The following MAP3K1 variants were observed in gnomAD, a reference collection of about 807,000 sequenced individuals.
The protein encoded by MAP3K1 is mitogen-activated protein kinase kinase kinase 1.
MAP3K1 carries 36 observed loss-of-function variants against 144.2 expected under a neutral mutation model. That is an observed-to-expected ratio of 0.25 (90% CI 0.19 to 0.33). The LOEUF (loss-of-function observed/expected upper bound fraction) is 0.33. Among genes scored for constraint, MAP3K1 ranks in the 10% least tolerant of loss-of-function variants. The pLI, the probability that MAP3K1 is intolerant of heterozygous loss-of-function variation, is 1.00. For synonymous variants in MAP3K1, 718 were observed against 688.7 expected, an observed-to-expected ratio of 1.04 and a Z score of -0.67; for missense variants, 1,650 against 1,881.9, an observed-to-expected ratio of 0.88 and a Z score of 2.28.
At chr5:56,873,047 T>C (rs748158055) in intron 9 of MAP3K1, 42 bp downstream of exon 9, 2 of 1,546,886 alleles carry the variant, frequency 1.3e-6, no homozygotes, top group East Asian at 2.3e-5. Context: ...GAAATATTTA[T>C]AGATCAATTA....
At chr5:56,840,938 C>T (rs929915224) in intron 1 of MAP3K1, among the ~76,000 whole-genome samples, 2 of 150,376 alleles carry the variant, frequency 1.3e-5, no homozygotes, top group Admixed American at 6.6e-5. Context: ...TGCAGTGGCA[C>T]GTTCTCAGCT....
Position 56,818,374 on chromosome 5 carries a change from CAGTTA to C in MAP3K1, c.482+2325_482+2329del, listed in dbSNP as rs1398771271. On this transcript the variant is annotated intron_variant, in intron 1 of 19. Transcript: ENST00000399503. ...AACTTTATGTTTTACTTTTTTTTGA[CAGTTA>C]AGTTACATTCATACTTCCAAGAGGA... Among the ~76,000 whole-genome samples the C allele has an allele frequency of 2.0e-5, 3 of 151,870 alleles. 1 individual carries two copies. The highest frequency in any genetic ancestry group is 4.4e-5 in the Non-Finnish European group (3 of 67,970).
chr5:56,817,600 A>G (rs1278153508), intron 1 of MAP3K1, among the ~76,000 whole-genome samples: 1 of 152,252 alleles, frequency 6.6e-6, no homozygotes, highest in African/African-American at 2.4e-5. Flanking sequence ...ATTTATTCTT[A>G]CAAGAGTTAT....
At chr5:56,857,798 A>G (rs942286588) in intron 2 of MAP3K1, among the ~76,000 whole-genome samples, 16 of 152,180 alleles carry the variant, frequency 1.1e-4, no homozygotes, top group African/African-American at 2.2e-4. Flanking sequence ...AAATAACTCA[A>G]TAATCCCTGT....
intron 19 of MAP3K1, among the ~76,000 whole-genome samples, chr5:56,890,105 G>A (rs1329435024): frequency 1.3e-5 from 2 of 151,974 alleles, no homozygotes; most frequent in Non-Finnish European, 2.9e-5. Flanking sequence ...TTTGTTTCTT[G>A]TTTGCTAGTT....
At chr5:56,854,738 T>G (rs2111857736) in intron 1 of MAP3K1, among the ~76,000 whole-genome samples, 1 of 152,242 alleles carries the variant, frequency 6.6e-6, no homozygotes, top group African/African-American at 2.4e-5. Flanking sequence ...TGAAAATCCA[T>G]AGCAGAGAAG....
At chr5:56,857,405 C>T (rs1007212648) in intron 2 of MAP3K1, among the ~76,000 whole-genome samples, 3 of 152,066 alleles carry the variant, frequency 2.0e-5, no homozygotes, top group African/African-American at 4.8e-5. Context: ...AGAATACCAT[C>T]ATGAAATGTG....
chr5:56,882,533 A>G lies in MAP3K1; in HGVS notation c.3333A>G (p.Thr1111=), dbSNP rs771195015. Residue 1111 remains threonine, a synonymous_variant, in exon 14 of 20, where the codon ACA becomes ACG. Coordinates refer to ENST00000399503, the MANE Select transcript of MAP3K1 (RefSeq NM_005921.2). ...SSNAVIPSDE[T]VFTPVEEKCR... is the part of the protein sequence containing the mutation. ...ATGCTGTTATACCCAGTGACGAGAC[A>G]GTGTTCACCCCAGTAGAGGAGAAAT... 1.2e-6 allele frequency: 2 copies of G among 1,614,012 alleles called. No homozygotes were observed. The highest frequency in any genetic ancestry group is 1.7e-5 in the Admixed American group (1 of 59,984).
At chr5:56,865,211 G>C in intron 4 of MAP3K1, 129 bp from the exon 5 acceptor site, 2 of 673,456 alleles carry the variant, frequency 3.0e-6, no homozygotes, top group Non-Finnish European at 5.2e-6. Flanking sequence ...TATATACAAA[G>C]ATAATGAAGA....
chr5:56,888,440 C>T (rs1167534468), intron 19 of MAP3K1, 83 bp downstream of exon 19: 1 of 1,163,408 alleles, frequency 8.6e-7, no homozygotes, highest in African/African-American at 1.5e-5. Context: ...ATGGGTTCTC[C>T]CTAACAATCT....
At chr5:56,830,545 A>G (rs1333667404) in intron 1 of MAP3K1, among the ~76,000 whole-genome samples, 1 of 152,182 alleles carries the variant, frequency 6.6e-6, no homozygotes, top group Non-Finnish European at 1.5e-5. Flanking sequence ...GTTCTGTGCT[A>G]TAGAAAAGTT....
intron 9 of MAP3K1, 55 bp from the exon 10 acceptor site, chr5:56,874,977 C>G (rs1393458504): frequency 1.3e-6 from 2 of 1,578,560 alleles, no homozygotes; most frequent in South Asian, 1.1e-5. Context: ...ACTCAAAATG[C>G]TCTGGGTCCA....
intron 1 of MAP3K1, among the ~76,000 whole-genome samples, chr5:56,818,390 A>G (rs1475423681): frequency 2.0e-5 from 3 of 152,158 alleles, no homozygotes; most frequent in Admixed American, 2.0e-4. Flanking sequence ...AGTTACATTC[A>G]TACTTCCAAG....
rs1258814892 is a variant in MAP3K1 at position 56,896,023 on chromosome 5, T to G, written c.*2343T>G. 1 of 228,024 alleles carries G rather than the reference T, an allele frequency of 4.4e-6. No homozygotes were observed. The highest frequency in any genetic ancestry group is 8.7e-6 in the Non-Finnish European group (1 of 115,184). The allele number at this position is 228,024 out of a possible 1,614,324, so 14.1% of individuals were successfully genotyped here. ...CTGGGTTAAGAAAATTTGGCTTAAA[T>G]GTATCCTTTGTTATTTTAAATATAT... On this transcript the variant is annotated 3_prime_UTR_variant, in exon 20 of 20. Coordinates refer to ENST00000399503, the MANE Select transcript of MAP3K1 (RefSeq NM_005921.2).
At chr5:56,884,462 G>A (rs958501554) in intron 15 of MAP3K1, among the ~76,000 whole-genome samples, 13 of 151,966 alleles carry the variant, frequency 8.6e-5, no homozygotes, top group African/African-American at 2.4e-4. Context: ...CAATATTTTT[G>A]TCATTTTTCT....
intron 1 of MAP3K1, among the ~76,000 whole-genome samples, chr5:56,817,463 A>G (rs754047732): frequency 1.3e-5 from 2 of 152,204 alleles, no homozygotes; most frequent in Non-Finnish European, 2.9e-5. Flanking sequence ...ATCACGATCC[A>G]TTTAGTATTT....
intron 2 of MAP3K1, among the ~76,000 whole-genome samples, chr5:56,857,392 A>T (rs1030992274): frequency 6.6e-6 from 1 of 152,198 alleles, no homozygotes; most frequent in Non-Finnish European, 1.5e-5. Flanking sequence ...ATATATTCTT[A>T]TAAGAATACC....
At chr5:56,842,485 A>G (rs1280115760) in intron 1 of MAP3K1, among the ~76,000 whole-genome samples, 1 of 152,240 alleles carries the variant, frequency 6.6e-6, no homozygotes, top group Admixed American at 6.5e-5. Flanking sequence ...TACCTAGAGT[A>G]GTACTTAGAA....
Position 56,868,325 on chromosome 5 carries a change from TA to T in MAP3K1, c.1301+2356del, listed in dbSNP as rs201278008. 6.0e-4 allele frequency among the ~76,000 whole-genome samples: 91 copies of T among 152,064 alleles called. No homozygotes were observed. In the East Asian group the frequency reaches 0.015, roughly 25 times the overall value. ...AATTTTGCTTCAGAAAAAACTATGC[TA>T]AAAAAAATCTGAAACGTCAAAAAAA... On this transcript the variant is annotated intron_variant, in intron 6 of 19. Coordinates refer to ENST00000399503, the MANE Select transcript of MAP3K1 (RefSeq NM_005921.2).
Sources: gnomAD v4.1 joint callset for allele counts (sites outside exome capture counted in the v4.1 genomes callset) on GRCh38, gnomAD v4.1.1 for gene constraint, MANE v1.5 for transcripts, NCBI Gene and HGNC (gene_info 2026-07-23, HGNC 2026-07-21) for gene names.